The following SLFN12L variants were observed in gnomAD, a reference collection of about 807,000 sequenced individuals.
The protein encoded by SLFN12L is schlafen family member 12 like, also known as schlafen family member 12-like.
A neutral mutation model predicts 34.8 loss-of-function variants in SLFN12L; 34 were observed. That is an observed-to-expected ratio of 0.98 (90% CI 0.74 to 1.30). The LOEUF is 1.30. Among genes scored for constraint, SLFN12L ranks in the 50% most tolerant of loss-of-function variants. SLFN12L has a pLI of 0.00. For missense variants in SLFN12L, 703 were observed against 696.2 expected, an observed-to-expected ratio of 1.01 and a Z score of -0.11; for synonymous variants, 259 against 247.5, an observed-to-expected ratio of 1.05 and a Z score of -0.44.
rs1469196486 is a variant in SLFN12L at position 35,474,921 on chromosome 17, A to T, written c.*2T>A. 1 of 1,539,558 alleles carries T rather than the reference A, an allele frequency of 6.5e-7. No individual in the cohort carries two copies. The highest frequency in any genetic ancestry group is 2.4e-5 in the East Asian group (1 of 40,892). ...ACTCCAGTCTGGGTGACAGAGTGAGACTCATCTCAAGAAAAAACAAACAAA... is the reference window on the plus strand; with the variant it reads ...ACTCCAGTCTGGGTGACAGAGTGAGTCTCATCTCAAGAAAAAACAAACAAA... On this transcript the variant is annotated 3_prime_UTR_variant, in exon 5 of 5. Transcript: ENST00000628453.
At chr17:35,527,624 C>G (rs1450996885) in intron 1 of SLFN12L, among the ~76,000 whole-genome samples, 1 of 152,116 alleles carries the variant, frequency 6.6e-6, no homozygotes, top group Admixed American at 6.5e-5. Context: ...TCAATAGATG[C>G]AGAAAAGGCC....
At chr17:35,498,157 A>C in intron 2 of SLFN12L, 1 of 484,334 alleles carries the variant, frequency 2.1e-6, no homozygotes, top group Non-Finnish European at 3.9e-6. Flanking sequence ...CGGAGGCGGA[A>C]GCATCTCGAT....
Position 35,465,292 on chromosome 17 carries a change from T to C in SLFN12L, c.*9631A>G, listed in dbSNP as rs982516150. 6.6e-6 allele frequency among the ~76,000 whole-genome samples: 1 copy of C among 152,162 alleles called. No homozygotes were observed. The highest frequency in any genetic ancestry group is 2.4e-5 in the African/African-American group (1 of 41,418). On this transcript the variant is annotated 3_prime_UTR_variant, in exon 5 of 5. Transcript: ENST00000628453. Reference sequence around the variant, plus strand: ...CTTATGCCTGAGGTTCCAACAAATTTAAACATTGTACCCCATATAATTTTA... The same window carrying C: ...CTTATGCCTGAGGTTCCAACAAATTCAAACATTGTACCCCATATAATTTTA...
intron 2 of SLFN12L, chr17:35,515,169 GGCT>G (rs1437364829): frequency 3.2e-6 from 2 of 620,084 alleles, no homozygotes; most frequent in Non-Finnish European, 6.3e-6. Flanking sequence ...CAGCGGCGAT[GGCT>G]CCGTTCCGAC....
At chr17:35,487,588 C>G in intron 2 of SLFN12L, 1 of 830,962 alleles carries the variant, frequency 1.2e-6, no homozygotes, top group Non-Finnish European at 1.9e-6. Context: ...GCTGTGCCAG[C>G]GCGGGCCCTT....
intron 2 of SLFN12L, chr17:35,491,120 T>G (rs1914819977): frequency 2.6e-6 from 2 of 777,460 alleles, no homozygotes; most frequent in Non-Finnish European, 4.7e-6. Flanking sequence ...TGACCATTTG[T>G]GAACTTACTG....
chr17:35,507,131 G>T (rs1345331135), intron 2 of SLFN12L, among the ~76,000 whole-genome samples: 1 of 152,204 alleles, frequency 6.6e-6, no homozygotes, highest in Non-Finnish European at 1.5e-5. Context: ...GCAGGTAGTT[G>T]TGTTATTGGC....
In SLFN12L at chr17:35,466,888, C is replaced by T. The variant is rs1913726095; in HGVS notation, c.*8035G>A. Among the ~76,000 whole-genome samples, 2 of 152,176 alleles carry T rather than the reference C, an allele frequency of 1.3e-5. No individual in the cohort carries two copies. Among genetic ancestry groups the T allele is most frequent in the South Asian group, 4.1e-4 (2 of 4,824 alleles). ...AATGACTAGCTCCATACTGGGCTCT[C>T]CTGGACATAGAGGCTTTCACAGATT... On this transcript the variant is annotated 3_prime_UTR_variant, in exon 5 of 5. Coordinates refer to ENST00000628453, the MANE Select transcript of SLFN12L (RefSeq NM_001363830.2).
In SLFN12L at chr17:35,526,073, A is replaced by G. The variant is rs191635102; in HGVS notation, c.-605-3104T>C. Among the ~76,000 whole-genome samples, 775 of 152,354 alleles carry G rather than the reference A, an allele frequency of 5.1e-3. 7 individuals are homozygous for G. Among genetic ancestry groups the G allele is most frequent in the African/African-American group, 0.017 (712 of 41,580 alleles). On this transcript the variant is annotated intron_variant, in intron 1 of 4. Coordinates refer to ENST00000628453, the MANE Select transcript of SLFN12L (RefSeq NM_001363830.2). ...GGTTTCAATCTTAGTCTCTGATAAAACAGACTTTAAACCAACAGAGATCAA... is the reference window on the plus strand; with the variant it reads ...GGTTTCAATCTTAGTCTCTGATAAAGCAGACTTTAAACCAACAGAGATCAA...
intron 1 of SLFN12L, among the ~76,000 whole-genome samples, chr17:35,531,533 T>A (rs1205251751): frequency 6.6e-6 from 1 of 152,188 alleles, no homozygotes; most frequent in African/African-American, 2.4e-5. Context: ...CCTATGGACA[T>A]GTTCTTTCAA....
At chr17:35,504,503 C>T (rs965669735) in intron 2 of SLFN12L, among the ~76,000 whole-genome samples, 4 of 152,210 alleles carry the variant, frequency 2.6e-5, no homozygotes, top group Admixed American at 6.5e-5. Flanking sequence ...ACACATAAAA[C>T]AAAAGCAATT....
chr17:35,536,366 C>T (rs761726857), intron 1 of SLFN12L, among the ~76,000 whole-genome samples: 57 of 152,166 alleles, frequency 3.7e-4, no homozygotes, highest in Non-Finnish European at 6.5e-4. Flanking sequence ...AGGGCCTTCA[C>T]AAGTATCTGC....
In SLFN12L at chr17:35,472,143, T is replaced by A. The variant is rs1181268753; in HGVS notation, c.*2780A>T. On this transcript the variant is annotated 3_prime_UTR_variant, in exon 5 of 5. Transcript: ENST00000628453. ...GTCATGAAGTCTTTGCCCATGCCTA[T>A]GTCCTGAATGGTATTGCCTAGGTTT... Among the ~76,000 whole-genome samples, 1 of 152,244 alleles carries A rather than the reference T, an allele frequency of 6.6e-6. No individual in the cohort carries two copies. Among genetic ancestry groups the A allele is most frequent in the Non-Finnish European group, 1.5e-5 (1 of 68,048 alleles).
intron 2 of SLFN12L, chr17:35,489,861 C>T: frequency 4.3e-6 from 3 of 705,728 alleles, no homozygotes; most frequent in Non-Finnish European, 7.0e-6. Flanking sequence ...TCATCTACTT[C>T]CGGAGAGGAA....
intron 1 of SLFN12L, among the ~76,000 whole-genome samples, chr17:35,530,416 AGGAAGGAAGGAAGGGAAG>A (rs1453100691): frequency 2.5e-4 from 3 of 12,104 alleles, no homozygotes; most frequent in African/African-American, 4.4e-4. Flanking sequence ...GAAGGAAGGA[AGGAAGGAAGGAAGGGAAG>A]GGAAGGGAAG....
chr17:35,489,780 A>T (rs1226176773), intron 2 of SLFN12L, among the ~76,000 whole-genome samples: 7 of 152,188 alleles, frequency 4.6e-5, no homozygotes, highest in Non-Finnish European at 1.0e-4. Context: ...AATACATATG[A>T]CGTCTGCACT....
At chr17:35,490,103 G>C (rs1157380748) in intron 2 of SLFN12L, 13 of 1,606,620 alleles carry the variant, frequency 8.1e-6, no homozygotes, top group Non-Finnish European at 1.0e-5. Flanking sequence ...CAGTGCCCCA[G>C]GCGCGGAGCA....
intron 2 of SLFN12L, among the ~76,000 whole-genome samples, chr17:35,486,524 G>A (rs549519009): frequency 6.5e-4 from 99 of 152,214 alleles, no homozygotes; most frequent in African/African-American, 2.4e-3. Context: ...AACACCTGCA[G>A]CCATGTAAAA....
intron 1 of SLFN12L, among the ~76,000 whole-genome samples, chr17:35,530,393 GGAA>G (rs2072381139): frequency 2.4e-4 from 2 of 8,326 alleles, no homozygotes; most frequent in African/African-American, 9.1e-4. Flanking sequence ...AAGGAAGGAA[GGAA>G]GGAAGGAAGG....
Sources: gnomAD v4.1 joint callset for allele counts (sites outside exome capture counted in the v4.1 genomes callset) on GRCh38, gnomAD v4.1.1 for gene constraint, MANE v1.5 for transcripts, NCBI Gene and HGNC (gene_info 2026-07-23, HGNC 2026-07-21) for gene names.